MDFIC: variants seen among roughly 807,000 people sequenced by gnomAD.
MDFIC encodes the protein MyoD family inhibitor domain containing, also known as myoD family inhibitor domain-containing protein.
A neutral mutation model predicts 23.2 loss-of-function variants in MDFIC; 17 were observed. The observed-to-expected ratio is 0.73, with a 90% CI of 0.50 to 1.10. MDFIC has a LOEUF of 1.10. MDFIC is among the 50% of genes least tolerant of loss of function. The probability of loss-of-function intolerance (pLI) is 0.00; values close to 1 mark genes in which losing one functional copy is unlikely to be tolerated. For synonymous variants in MDFIC, 120 were observed against 115.2 expected, an observed-to-expected ratio of 1.04 and a Z score of -0.27; for missense variants, 356 against 316.6, an observed-to-expected ratio of 1.12 and a Z score of -0.95.
chr7:114,935,917 A>G (rs553682869), intron 2 of MDFIC, among the ~76,000 whole-genome samples: 1 of 152,220 alleles, frequency 6.6e-6, no homozygotes, highest in East Asian at 1.9e-4. Context: ...CCTCCTTATG[A>G]TTTATTTATA....
At chr7:114,986,973 C>T (rs1362498770) in intron 4 of MDFIC, among the ~76,000 whole-genome samples, 2 of 152,130 alleles carry the variant, frequency 1.3e-5, no homozygotes, top group Admixed American at 1.3e-4. Context: ...AACTGGAGAA[C>T]TAGACTTGTT....
At position 114,979,700 on chromosome 7, in the gene MDFIC, A is replaced by G; in HGVS notation, c.412A>G (p.Ser138Gly). 2 of 1,614,166 alleles carry G rather than the reference A, an allele frequency of 1.2e-6. No individual in the cohort carries two copies. Among genetic ancestry groups the G allele is most frequent in the South Asian group, 1.1e-5 (1 of 91,088 alleles). ...AAAAATGCATAGAAAAATTCAGTCC[A>G]GCTTGTCTGTAAACAGCGATATCAG... ...SQKMHRKIQSSLSVNSDISKK... is the reference protein window; with the variant it reads ...SQKMHRKIQSGLSVNSDISKK... Residue 138 changes from serine (S) to glycine (G), a missense_variant, in exon 4 of 5, where the codon AGC becomes GGC. Ser to Gly is a moderately conservative substitution (Grantham distance 56). Coordinates refer to ENST00000393486, the MANE Select transcript of MDFIC (RefSeq NM_001166345.3).
chr7:114,932,976 A>G (rs1585092437), intron 2 of MDFIC, among the ~76,000 whole-genome samples: 1 of 152,226 alleles, frequency 6.6e-6, no homozygotes, highest in East Asian at 1.9e-4. Context: ...ATCAGACTCA[A>G]AGCATAACTC....
chr7:115,003,271 T>C (rs1020567794), intron 4 of MDFIC, among the ~76,000 whole-genome samples: 1 of 152,160 alleles, frequency 6.6e-6, no homozygotes, highest in African/African-American at 2.4e-5. Flanking sequence ...CCATTCACTA[T>C]GACAGTTTCA....
chr7:115,001,813 A>G (rs1172905272), intron 4 of MDFIC, among the ~76,000 whole-genome samples: 1 of 152,190 alleles, frequency 6.6e-6, no homozygotes, highest in Non-Finnish European at 1.5e-5. Flanking sequence ...CATGAAAAAA[A>G]TATATATGTA....
At chr7:114,975,080 T>G (rs1793284111) in intron 3 of MDFIC, among the ~76,000 whole-genome samples, 1 of 151,824 alleles carries the variant, frequency 6.6e-6, no homozygotes, top group Admixed American at 6.6e-5. Flanking sequence ...TATTATGGAG[T>G]AAATTTAAAA....
chr7:114,987,929 A>G (rs73719556), intron 4 of MDFIC, among the ~76,000 whole-genome samples: 1,741 of 152,314 alleles, frequency 0.011, 26 homozygotes, highest in African/African-American at 0.04. Context: ...GTAGTTTGTT[A>G]TCATACCTAT....
intron 4 of MDFIC, among the ~76,000 whole-genome samples, chr7:114,985,841 AG>A: frequency 6.6e-6 from 1 of 151,738 alleles, no homozygotes; most frequent in Admixed American, 6.6e-5. Context: ...AATATCACAC[AG>A]GTCTATATGA....
chr7:114,968,701 G>T (rs1793149870), intron 3 of MDFIC, among the ~76,000 whole-genome samples: 1 of 152,078 alleles, frequency 6.6e-6, no homozygotes, highest in African/African-American at 2.4e-5. Context: ...AAAGCACAAA[G>T]ATTTCCTTTT....
chr7:115,011,558 T>C (rs1345085242), intron 4 of MDFIC, among the ~76,000 whole-genome samples: 1 of 152,212 alleles, frequency 6.6e-6, no homozygotes, highest in Non-Finnish European at 1.5e-5. Context: ...TATTTAGACC[T>C]AAGAACTTAA....
intron 3 of MDFIC, among the ~76,000 whole-genome samples, chr7:114,952,705 T>G (rs1177234078): frequency 6.6e-6 from 1 of 151,544 alleles, no homozygotes; most frequent in Admixed American, 6.6e-5. Flanking sequence ...ATTAGAAAAT[T>G]TAAGGAAAAA....
chr7:115,009,183 A>G (rs1450295073), intron 4 of MDFIC, among the ~76,000 whole-genome samples: 1 of 152,200 alleles, frequency 6.6e-6, no homozygotes. Flanking sequence ...CAAGCATCTT[A>G]TTTCATAGGA....
chr7:114,985,884 C>CT (rs201158352), intron 4 of MDFIC, among the ~76,000 whole-genome samples: 2 of 151,818 alleles, frequency 1.3e-5, no homozygotes, highest in African/African-American at 4.8e-5. Context: ...CCCATATATA[C>CT]TTTTTTTGAA....
intron 3 of MDFIC, among the ~76,000 whole-genome samples, chr7:114,949,428 A>G (rs1405121893): frequency 1.3e-5 from 2 of 152,168 alleles, no homozygotes; most frequent in Admixed American, 6.5e-5. Context: ...AATGATCAAG[A>G]CCACAAATGC....
intron 3 of MDFIC, among the ~76,000 whole-genome samples, chr7:114,956,921 C>T (rs1792895336): frequency 6.6e-6 from 1 of 152,142 alleles, no homozygotes; most frequent in African/African-American, 2.4e-5. Context: ...CCCACAGGAA[C>T]TGATAGGTAT....
At chr7:114,923,200 A>G (rs1792126731) in intron 2 of MDFIC, 73 bp downstream of exon 2, 3 of 1,506,342 alleles carry the variant, frequency 2.0e-6, no homozygotes, top group African/African-American at 2.8e-5. Flanking sequence ...AAGTGCACAG[A>G]TAGGGGTGGG....
At chr7:115,012,977 T>C (rs1002070159) in intron 4 of MDFIC, among the ~76,000 whole-genome samples, 1 of 151,994 alleles carries the variant, frequency 6.6e-6, no homozygotes, top group African/African-American at 2.4e-5. Context: ...AGACTCTGTC[T>C]CAAAAAAGAA....
In MDFIC at chr7:115,016,690, A is replaced by AAACC. The variant is rs1791802690; in HGVS notation, c.*757_*760dup. 1.3e-5 allele frequency: 2 copies of AAACC among 156,224 alleles called. No homozygotes were observed. The highest frequency in any genetic ancestry group is 2.4e-5 in the African/African-American group (1 of 41,492). The allele number at this position is 156,224 out of a possible 1,614,324, so 9.7% of individuals were successfully genotyped here. On this transcript the variant is annotated 3_prime_UTR_variant, in exon 5 of 5. Transcript: ENST00000393486. ...TAAATAAATAAATAAATAAATAAAC[A>AAACC]AACCAGTCTTTATTTTAAAAGAAAC...
At chr7:114,949,781 C>G (rs1345944295) in intron 3 of MDFIC, among the ~76,000 whole-genome samples, 1 of 28,370 alleles carries the variant, frequency 3.5e-5, no homozygotes, top group Non-Finnish European at 9.8e-5. Flanking sequence ...CATGGGATAA[C>G]ACAAACCCTA....
Sources: gnomAD v4.1 joint callset for allele counts (sites outside exome capture counted in the v4.1 genomes callset) on GRCh38, gnomAD v4.1.1 for gene constraint, MANE v1.5 for transcripts, NCBI Gene and HGNC (gene_info 2026-07-23, HGNC 2026-07-21) for gene names.